The following NEB variants were observed in gnomAD, a reference collection of about 807,000 sequenced individuals.
The protein encoded by NEB is nebulin.
A neutral mutation model predicts 952.2 loss-of-function variants in NEB; 512 were observed. The observed-to-expected ratio is 0.54, with a 90% CI of 0.50 to 0.58. The LOEUF is 0.58. NEB is among the 20% of genes least tolerant of loss of function. The probability of loss-of-function intolerance (pLI) is 0.00; values close to 1 mark genes in which losing one functional copy is unlikely to be tolerated. For synonymous variants in NEB, 2,900 were observed against 3,149.8 expected, an observed-to-expected ratio of 0.92 and a Z score of 2.66; for missense variants, 8,428 against 9,231.1, an observed-to-expected ratio of 0.91 and a Z score of 3.56.
intron 8 of NEB, among the ~76,000 whole-genome samples, chr2:151,724,002 C>T (rs1239465709): frequency 6.6e-6 from 1 of 152,006 alleles, no homozygotes; most frequent in African/African-American, 2.4e-5. Context: ...CTCCAGAGCA[C>T]CTTTATTCTC....
chr2:151,499,472 A>G, intron 168 of NEB, 82 bp from the exon 169 acceptor site: 1 of 732,318 alleles, frequency 1.4e-6, no homozygotes. Flanking sequence ...AACCTGGTAT[A>G]AAACTACAGA....
rs767302772 is a variant in NEB at position 151,650,316 on chromosome 2, C to A, written c.7291G>T (p.Glu2431Ter). The change falls in exon 54 of 182, where the codon GAG becomes TAG. Residue 2431 changes from glutamate (E) to a stop codon, truncating the protein, a stop_gained. Transcript: ENST00000397345. LOFTEE classifies it high-confidence loss of function. The part of the protein sequence containing the change: ...GIGWSPLGSL[E>*]AEKNKRASEI... ...GAAGCCCGCTTGTTCTTTTCTGCCT[C>A]TAAAGAACCCAAGGGACTCCATCCT... The A allele has an allele frequency of 6.2e-7, 1 of 1,613,866 alleles. No individual in the cohort carries two copies. Among genetic ancestry groups the A allele is most frequent in the Non-Finnish European group, 8.5e-7 (1 of 1,179,836 alleles).
At chr2:151,531,308 C>CTTTTTTT (rs1159075000) in intron 144 of NEB, among the ~76,000 whole-genome samples, 1 of 84,010 alleles carries the variant, frequency 1.2e-5, no homozygotes, top group Non-Finnish European at 2.2e-5. Flanking sequence ...TTTTTTCTTT[C>CTTTTTTT]TTTTTTTTTT....
chr2:151,670,912 T>G, intron 38 of NEB, 111 bp downstream of exon 38: 1 of 1,158,526 alleles, frequency 8.6e-7, no homozygotes. Flanking sequence ...TGAAAGCAGT[T>G]TATTTGCTAA....
At chr2:151,654,193 G>T in intron 51 of NEB, 94 bp from the exon 52 acceptor site, 1 of 636,480 alleles carries the variant, frequency 1.6e-6, no homozygotes, top group Admixed American at 3.3e-5. Flanking sequence ...GTGAATATCA[G>T]ATCGAACATC....
chr2:151,674,456 T>A, intron 36 of NEB, 21 bp downstream of exon 36: 3 of 1,590,122 alleles, frequency 1.9e-6, no homozygotes, highest in Non-Finnish European at 2.6e-6. Context: ...CACCTAAACT[T>A]CACCTAAAAT....
intron 105 of NEB, among the ~76,000 whole-genome samples, chr2:151,577,791 C>T (rs2096931695): frequency 6.6e-6 from 1 of 152,164 alleles, no homozygotes; most frequent in South Asian, 2.1e-4. Context: ...GTTGGTCAGG[C>T]TGATCTTGAA....
intron 71 of NEB, 139 bp from the exon 72 acceptor site, chr2:151,621,165 T>C (rs1226246341): frequency 6.4e-6 from 4 of 625,438 alleles, no homozygotes; most frequent in Non-Finnish European, 1.1e-5. Flanking sequence ...AACTCTTTCT[T>C]TTACTTTCTG....
At chr2:151,528,199 C>T (rs1576357688) in intron 146 of NEB, among the ~76,000 whole-genome samples, 3 of 152,154 alleles carry the variant, frequency 2.0e-5, no homozygotes, top group East Asian at 3.9e-4. Context: ...GGCTGGAGAA[C>T]TGGCTGCATT....
At chr2:151,503,710 A>G (rs1016113381) in intron 165 of NEB, among the ~76,000 whole-genome samples, 1 of 152,234 alleles carries the variant, frequency 6.6e-6, no homozygotes, top group Non-Finnish European at 1.5e-5. Flanking sequence ...AAATAAATTT[A>G]CCAATGAGAA....
intron 170 of NEB, chr2:151,498,011 G>T (rs1282177069): frequency 1.4e-6 from 2 of 1,436,666 alleles, no homozygotes; most frequent in Non-Finnish European, 1.8e-6. Context: ...GAGACTGTTA[G>T]AACTCGGTGT....
Position 151,485,769 on chromosome 2 carries a change from T to A in NEB, c.25569A>T (p.Glu8523Asp), listed in dbSNP as rs2049768282. The change falls in exon 182 of 182, where the codon GAA becomes GAT. Residue 8523 changes from glutamate to aspartate, a missense_variant. Coordinates refer to ENST00000397345, the MANE Select transcript of NEB (RefSeq NM_001164508.2). The part of the protein sequence containing the change: ...RTGMLPANYV[E>D]AI ...TGATGCTTTGAAATGCCTAAATAGC[T>A]TCAACGTAGTTGGCTGGGAGCATTC... The A allele has an allele frequency of 6.2e-7, 1 of 1,610,462 alleles. No homozygotes were observed. The highest frequency in any genetic ancestry group is 1.1e-5 in the South Asian group (1 of 90,818).
rs2099016941 is a variant in NEB, at chr2:151,650,302, G to A, written c.7305C>T (p.Asn2435=). 1 of 1,613,818 alleles carries A rather than the reference G, an allele frequency of 6.2e-7. No individual in the cohort carries two copies. The highest frequency in any genetic ancestry group is 1.1e-5 in the South Asian group (1 of 91,082). ...CACTGATGATTTCCGAAGCCCGCTT[G>A]TTCTTTTCTGCCTCTAAAGAACCCA... The part of the protein sequence containing the change: ...SPLGSLEAEK[N]KRASEIISEK... The change falls in exon 54 of 182, where the codon AAC becomes AAT. Residue 2435 remains asparagine (N), a synonymous_variant. Coordinates refer to ENST00000397345, the MANE Select transcript of NEB (RefSeq NM_001164508.2).
At chr2:151,516,015 G>A (rs1044527997) in intron 157 of NEB, among the ~76,000 whole-genome samples, 28 of 152,042 alleles carry the variant, frequency 1.8e-4, no homozygotes, top group Non-Finnish European at 1.0e-4. Flanking sequence ...CTAAAATAAC[G>A]AATATGGCAT....
chr2:151,570,047 G>C, intron 109 of NEB, 34 bp downstream of exon 109: 1 of 1,569,082 alleles, frequency 6.4e-7, no homozygotes, highest in Non-Finnish European at 8.7e-7. Context: ...GGCAAACTGA[G>C]AAAAGAGTTC....
chr2:151,609,100 C>T (rs1174141445), intron 81 of NEB, among the ~76,000 whole-genome samples: 5 of 149,842 alleles, frequency 3.3e-5, no homozygotes, highest in Admixed American at 6.7e-5. Context: ...AAGTTGAAGT[C>T]GTGAGTGCTA....
chr2:151,677,138 T>C (rs1033810905), intron 34 of NEB, among the ~76,000 whole-genome samples: 9 of 152,238 alleles, frequency 5.9e-5, no homozygotes, highest in African/African-American at 1.9e-4. Context: ...TCATATGTAT[T>C]ACTTCTCTGT....
intron 74 of NEB, 146 bp downstream of exon 74, chr2:151,618,129 T>A (rs886883244): frequency 4.1e-6 from 3 of 728,636 alleles, no homozygotes; most frequent in Non-Finnish European, 7.0e-6. Context: ...GAAGTATCAC[T>A]AAGTAACTAT....
rs746067563 is a variant in NEB, at chr2:151,526,271, G to A, written c.21946-9C>T. 5.1e-6 allele frequency: 8 copies of A among 1,580,728 alleles called. No individual in the cohort carries two copies. The Admixed American group carries it at 5.2e-5, about 10-fold the overall frequency. On this transcript the variant is annotated splice_polypyrimidine_tract_variant and intron_variant, in intron 148 of 181. Transcript: ENST00000397345. The stretch of plus-strand genomic sequence containing the variant: ...TTCTCTTTGTATTTCAGCTTCAGGG[G>A]CAGGAAAAGGGGCATTTCTTTAGCT...
Sources: gnomAD v4.1 joint callset for allele counts (sites outside exome capture counted in the v4.1 genomes callset) on GRCh38, gnomAD v4.1.1 for gene constraint, MANE v1.5 for transcripts, NCBI Gene and HGNC (gene_info 2026-07-23, HGNC 2026-07-21) for gene names.